Variants in FHIT observed in about 807,000 individuals in gnomAD.
FHIT encodes the protein fragile histidine triad diadenosine triphosphatase.
FHIT carries 19 observed loss-of-function variants against 17.9 expected under a neutral mutation model. That is an observed-to-expected ratio of 1.06 (90% CI 0.74 to 1.56). The LOEUF is 1.56. Ranked by LOEUF, FHIT falls within the 40% of genes most tolerant of loss-of-function variation. The pLI is 0.00. For missense variants in FHIT, 248 were observed against 189.2 expected, an observed-to-expected ratio of 1.31 and a Z score of -1.82; for synonymous variants, 81 against 69.7, an observed-to-expected ratio of 1.16 and a Z score of -0.81.
intron 5 of FHIT, among the ~76,000 whole-genome samples, chr3:60,187,261 T>A (rs1702196854): frequency 6.6e-6 from 1 of 152,146 alleles, no homozygotes; most frequent in South Asian, 2.1e-4. Flanking sequence ...ATCACAAGCC[T>A]GTCATTAAAT....
At chr3:61,091,536 G>A (rs1476481453) in intron 2 of FHIT, among the ~76,000 whole-genome samples, 1 of 152,082 alleles carries the variant, frequency 6.6e-6, no homozygotes, top group Non-Finnish European at 1.5e-5. Flanking sequence ...ATTAGTTAAG[G>A]TTCTTTGGGG....
At chr3:59,891,387 A>G (rs1217762102) in intron 8 of FHIT, among the ~76,000 whole-genome samples, 1 of 152,232 alleles carries the variant, frequency 6.6e-6, no homozygotes, top group Non-Finnish European at 1.5e-5. Flanking sequence ...ACAGGCTGCT[A>G]AGCGGGGCTC....
chr3:60,694,535 A>G (rs577208448), intron 4 of FHIT, among the ~76,000 whole-genome samples: 161 of 152,280 alleles, frequency 1.1e-3, no homozygotes, highest in Admixed American at 3.3e-3. Flanking sequence ...AACTAGAAAT[A>G]CCATTTAACC....
At chr3:60,070,200 G>A (rs1327386321) in intron 5 of FHIT, among the ~76,000 whole-genome samples, 1 of 152,150 alleles carries the variant, frequency 6.6e-6, no homozygotes, top group African/African-American at 2.4e-5. Flanking sequence ...CCAGGTAGGT[G>A]AGTATCTGAC....
intron 3 of FHIT, among the ~76,000 whole-genome samples, chr3:61,031,065 A>C (rs1014139498): frequency 6.6e-6 from 1 of 152,202 alleles, no homozygotes; most frequent in Non-Finnish European, 1.5e-5. Context: ...CAGACAGGTA[A>C]CATGCTTCAA....
intron 3 of FHIT, among the ~76,000 whole-genome samples, chr3:61,024,574 C>A (rs554221159): frequency 6.6e-6 from 1 of 152,006 alleles, no homozygotes; most frequent in South Asian, 2.1e-4. Context: ...TATGTATGAG[C>A]AAAGTACAGG....
intron 3 of FHIT, among the ~76,000 whole-genome samples, chr3:60,890,523 A>C (rs1705461423): frequency 6.6e-6 from 1 of 152,218 alleles, no homozygotes; most frequent in African/African-American, 2.4e-5. Context: ...TTACACAGCA[A>C]TCAATAACTG....
chr3:60,412,369 A>G (rs1191496081), intron 5 of FHIT, among the ~76,000 whole-genome samples: 2 of 152,110 alleles, frequency 1.3e-5, no homozygotes, highest in Non-Finnish European at 2.9e-5. Flanking sequence ...GGACAAAAAT[A>G]AATAAATAAG....
rs1478251841 is a variant in FHIT, at chr3:60,200,682, A to AAAGGCTGTC, written c.104-186531_104-186530insGACAGCCTT. Among the ~76,000 whole-genome samples, 13 of 151,424 alleles carry AAAGGCTGTC rather than the reference A, an allele frequency of 8.6e-5. No homozygotes were observed. The East Asian group carries it at 2.5e-3, about 30-fold the overall frequency. On this transcript the variant is annotated intron_variant, in intron 5 of 9. Transcript: ENST00000492590. ...TGTTGCTTTTGGGGGAAAAAAAAAA[A>AAAGGCTGTC]AGGCTGTCATTGAACTTTTAATTAG...
chr3:59,996,188 G>C (rs1699504378), intron 7 of FHIT, among the ~76,000 whole-genome samples: 2 of 151,992 alleles, frequency 1.3e-5, no homozygotes, highest in African/African-American at 4.8e-5. Flanking sequence ...TAACAGCAGG[G>C]GGTATTATTA....
intron 9 of FHIT, chr3:59,750,775 A>ATATTTAAAGCTATCCAG (rs1407432876): frequency 9.4e-6 from 2 of 212,372 alleles, no homozygotes; most frequent in East Asian, 1.4e-4. Context: ...AAGTGCACAT[A>ATATTTAAAGCTATCCAG]TATTTAAAGC....
intron 4 of FHIT, among the ~76,000 whole-genome samples, chr3:60,810,295 C>T (rs1157994951): frequency 6.6e-6 from 1 of 152,170 alleles, no homozygotes; most frequent in Non-Finnish European, 1.5e-5. Flanking sequence ...AAGGAATAGT[C>T]CTTTAGTCAA....
intron 5 of FHIT, 108 bp from the exon 6 acceptor site, chr3:60,014,260 A>C (rs1700256021): frequency 9.4e-7 from 1 of 1,065,786 alleles, no homozygotes; most frequent in East Asian, 2.5e-5. Flanking sequence ...CTGAACTCTC[A>C]AAGACTAAGG....
chr3:60,443,075 A>G (rs1456772185), intron 5 of FHIT, among the ~76,000 whole-genome samples: 35 of 151,782 alleles, frequency 2.3e-4, no homozygotes, highest in Admixed American at 1.4e-3. Context: ...CTCTCTGTTT[A>G]TCTGTTACTG....
intron 5 of FHIT, among the ~76,000 whole-genome samples, chr3:60,157,488 T>A (rs182561336): frequency 2.0e-3 from 301 of 152,176 alleles, no homozygotes; most frequent in Middle Eastern, 6.8e-3. Context: ...TGAAAAAAAA[T>A]AATAATAATA....
intron 2 of FHIT, among the ~76,000 whole-genome samples, chr3:61,183,793 T>A (rs2038417485): frequency 6.6e-6 from 1 of 151,734 alleles, no homozygotes; most frequent in South Asian, 2.1e-4. Context: ...TCCTCATGAC[T>A]TCCCTGTTTG....
rs561377700 is a variant in FHIT, at chr3:60,453,899, C to T, written c.103+82961G>A. Among the ~76,000 whole-genome samples the T allele has an allele frequency of 6.1e-4, 93 of 152,038 alleles. 1 individual carries two copies. The highest frequency in any genetic ancestry group is 1.2e-3 in the East Asian group (6 of 5,172). ...TAAATCTTCCTGGAGTAGCTCATTC[C>T]GAACAGACAAAAGTTTCAGGGGAGA... On this transcript the variant is annotated intron_variant, in intron 5 of 9. Coordinates refer to ENST00000492590, the MANE Select transcript of FHIT (RefSeq NM_002012.4).
chr3:60,823,442 C>T (rs572738752), intron 3 of FHIT, among the ~76,000 whole-genome samples: 7 of 152,180 alleles, frequency 4.6e-5, no homozygotes, highest in South Asian at 2.1e-4. Context: ...GTGGGCAGGC[C>T]TCTCATCCAA....
chr3:60,017,865 T>C (rs572040116), intron 5 of FHIT, among the ~76,000 whole-genome samples: 156 of 152,298 alleles, frequency 1.0e-3, no homozygotes, highest in Middle Eastern at 0.01. Flanking sequence ...TGGTGTGGTT[T>C]GCTATTTGCA....
Sources: gnomAD v4.1 joint callset for allele counts (sites outside exome capture counted in the v4.1 genomes callset) on GRCh38, gnomAD v4.1.1 for gene constraint, MANE v1.5 for transcripts, NCBI Gene and HGNC (gene_info 2026-07-23, HGNC 2026-07-21) for gene names.